GRIK2: variants seen among roughly 807,000 people sequenced by gnomAD.
GRIK2 encodes glutamate ionotropic receptor kainate type subunit 2, also known as glutamate receptor ionotropic, kainate 2.
A neutral mutation model predicts 100.3 loss-of-function variants in GRIK2; 32 were observed. The ratio of observed to expected loss-of-function variants is 0.32; its 90% CI spans 0.24 to 0.43. The LOEUF (loss-of-function observed/expected upper bound fraction) is 0.43. Among genes scored for constraint, GRIK2 ranks in the 20% least tolerant of loss-of-function variants. The pLI is 1.00. For missense variants in GRIK2, 843 were observed against 1,114.9 expected (o/e 0.76, Z 3.47); for synonymous variants, 417 against 389.4 (o/e 1.07, Z -0.83).
At chr6:102,035,944 TAG>T (rs1340360853) in intron 15 of GRIK2, among the ~76,000 whole-genome samples, 2 of 151,314 alleles carry the variant, frequency 1.3e-5, no homozygotes, top group Admixed American at 1.3e-4. Context: ...GTATTTGACT[TAG>T]AGAGTTAACG....
chr6:101,792,597 C>T (rs1293886115), intron 7 of GRIK2, among the ~76,000 whole-genome samples: 1 of 152,076 alleles, frequency 6.6e-6, no homozygotes, highest in East Asian at 1.9e-4. Flanking sequence ...TGATGGGCTT[C>T]CCTTTGAGGG....
intron 14 of GRIK2, among the ~76,000 whole-genome samples, chr6:101,951,167 C>T (rs1304483453): frequency 6.6e-6 from 1 of 152,156 alleles, no homozygotes; most frequent in East Asian, 1.9e-4. Flanking sequence ...AATACATAAT[C>T]TTTAATGCTT....
chr6:101,815,879 A>C (rs1003411312), intron 9 of GRIK2, among the ~76,000 whole-genome samples: 7 of 152,146 alleles, frequency 4.6e-5, no homozygotes, highest in Admixed American at 4.6e-4. Context: ...TACGCTAAGA[A>C]AGCTGAGATT....
At chr6:101,670,604 C>T (rs1050622265) in intron 4 of GRIK2, among the ~76,000 whole-genome samples, 1 of 152,082 alleles carries the variant, frequency 6.6e-6, no homozygotes, top group Non-Finnish European at 1.5e-5. Context: ...TGAGCTTTTT[C>T]AATTCAAAAC....
chr6:101,807,928 T>G (rs770345778), intron 9 of GRIK2, among the ~76,000 whole-genome samples: 1 of 151,926 alleles, frequency 6.6e-6, no homozygotes, highest in African/African-American at 2.4e-5. Flanking sequence ...ATAGCAAAAA[T>G]AAAAAGAAGC....
In GRIK2 at chr6:101,622,080, A is replaced by G. The variant is rs1194143687; in HGVS notation, c.247A>G (p.Ile83Val). The G allele has an allele frequency of 6.2e-7, 1 of 1,602,692 alleles. No individual in the cohort carries two copies. Among genetic ancestry groups the G allele is most frequent in the Non-Finnish European group, 8.5e-7 (1 of 1,169,916 alleles). ...TACCCTTACCTATGATACCCAGAAG[A>G]TAAACCTTTATGATAGTTTTGAAGC... is the stretch of plus-strand genomic sequence containing the variant. Reference protein sequence around the residue: ...NTTLTYDTQKINLYDSFEASK... With the variant: ...NTTLTYDTQKVNLYDSFEASK... Residue 83 changes from isoleucine to valine, a missense_variant, in exon 3 of 17, where the codon ATA becomes GTA. Physicochemically the swap from Ile to Val is conservative, Grantham distance 29. Transcript: ENST00000369134.
At chr6:101,819,073 C>T (rs1226058568) in intron 10 of GRIK2, among the ~76,000 whole-genome samples, 1 of 151,890 alleles carries the variant, frequency 6.6e-6, no homozygotes, top group African/African-American at 2.4e-5. Flanking sequence ...TGTTTTTACC[C>T]CTCTTATATT....
intron 2 of GRIK2, among the ~76,000 whole-genome samples, chr6:101,586,683 A>G (rs920451638): frequency 6.6e-6 from 1 of 151,772 alleles, no homozygotes; most frequent in Non-Finnish European, 1.5e-5. Context: ...AGCCTGGCCA[A>G]TATGGCAAAA....
intron 16 of GRIK2, among the ~76,000 whole-genome samples, chr6:102,067,914 AT>A (rs1226939693): frequency 1.6e-4 from 25 of 152,016 alleles, no homozygotes; most frequent in African/African-American, 5.3e-4. Context: ...TTCAAACAAC[AT>A]TTGCATATCT....
At chr6:101,952,217 T>C (rs1791644402) in intron 14 of GRIK2, among the ~76,000 whole-genome samples, 1 of 152,226 alleles carries the variant, frequency 6.6e-6, no homozygotes, top group Non-Finnish European at 1.5e-5. Flanking sequence ...CTTAGCTTAA[T>C]TCTCTGGAGG....
chr6:101,963,620 G>A (rs1365571574), intron 14 of GRIK2, among the ~76,000 whole-genome samples: 5 of 148,996 alleles, frequency 3.4e-5, no homozygotes, highest in African/African-American at 1.2e-4. Context: ...CCAAAGTGCT[G>A]GGATTACAGG....
At position 101,910,168 on chromosome 6, in the gene GRIK2, A is replaced by G. The variant is rs891233248; in HGVS notation, c.1749-14433A>G. Among the ~76,000 whole-genome samples, 3 of 151,182 alleles carry G rather than the reference A, an allele frequency of 2.0e-5. No individual in the cohort carries two copies. In the Admixed American group the frequency reaches 2.0e-4, roughly 10 times the overall value. On this transcript the variant is annotated intron_variant, in intron 12 of 16. Transcript: ENST00000369134. The stretch of plus-strand genomic sequence containing the variant: ...GGCAGTGGTATATGTTTCTAAATTA[A>G]AAATAGAATGTCTGCTTATAATCAA...
intron 7 of GRIK2, among the ~76,000 whole-genome samples, chr6:101,786,985 A>G (rs944785117): frequency 2.6e-5 from 4 of 151,898 alleles, no homozygotes; most frequent in African/African-American, 9.7e-5. Flanking sequence ...TTATTGATTC[A>G]ATTTTGTTAC....
intron 7 of GRIK2, among the ~76,000 whole-genome samples, chr6:101,743,455 G>T (rs764148710): frequency 1.3e-5 from 2 of 152,092 alleles, no homozygotes; most frequent in Non-Finnish European, 2.9e-5. Context: ...TTCTTAACAC[G>T]TTGGGATGCA....
chr6:101,722,126 T>A (rs915848586), intron 7 of GRIK2, among the ~76,000 whole-genome samples: 55 of 152,020 alleles, frequency 3.6e-4, no homozygotes, highest in Admixed American at 2.7e-3. Flanking sequence ...TATTCACAAC[T>A]ACATCCTGAA....
chr6:101,496,112 A>AT (rs907984396), intron 2 of GRIK2, among the ~76,000 whole-genome samples: 1 of 151,918 alleles, frequency 6.6e-6, no homozygotes, highest in African/African-American at 2.4e-5. Context: ...CACCTGGCTA[A>AT]TTTTTTATAT....
At chr6:101,636,067 A>C (rs1021618238) in intron 4 of GRIK2, among the ~76,000 whole-genome samples, 2 of 152,126 alleles carry the variant, frequency 1.3e-5, no homozygotes, top group African/African-American at 2.4e-5. Context: ...TTTATTGCAG[A>C]ACTGTTCACA....
intron 2 of GRIK2, among the ~76,000 whole-genome samples, chr6:101,555,452 A>G (rs538716806): frequency 6.6e-6 from 1 of 152,286 alleles, no homozygotes; most frequent in East Asian, 1.9e-4. Context: ...GTCAAGTTTG[A>G]CATATTTGCA....
At chr6:101,998,166 T>C (rs1464109595) in intron 14 of GRIK2, among the ~76,000 whole-genome samples, 2 of 152,118 alleles carry the variant, frequency 1.3e-5, no homozygotes, top group Admixed American at 1.3e-4. Flanking sequence ...CAGTACAGAT[T>C]AGTTTGCATT....
Sources: allele counts gnomAD v4.1 joint callset (sites outside exome capture counted in the v4.1 genomes callset), GRCh38; gene constraint gnomAD v4.1.1; transcripts MANE v1.5; gene names NCBI Gene and HGNC (gene_info 2026-07-23, HGNC 2026-07-21).